The following KSR2 variants were observed in gnomAD, a reference collection of about 807,000 sequenced individuals.
The protein encoded by KSR2 is kinase suppressor of ras 2.
A neutral mutation model predicts 107.8 loss-of-function variants in KSR2; 25 were observed. The observed-to-expected ratio is 0.23, with a 90% CI of 0.17 to 0.32. The LOEUF (loss-of-function observed/expected upper bound fraction) is 0.32. Ranked by LOEUF, KSR2 falls within the 10% of genes least tolerant of loss-of-function variation. The probability of loss-of-function intolerance (pLI) is 1.00; values close to 1 mark genes in which losing one functional copy is unlikely to be tolerated. For missense variants in KSR2, 887 were observed against 1,268.9 expected (o/e 0.70, Z 4.57); for synonymous variants, 480 against 507.0 (o/e 0.95, Z 0.71).
intron 8 of KSR2, among the ~76,000 whole-genome samples, chr12:117,557,848 T>C (rs1000296878): frequency 1.4e-4 from 22 of 152,196 alleles, no homozygotes; most frequent in African/African-American, 5.3e-4. Flanking sequence ...GGGAACTATT[T>C]TGAAAGCTGC....
chr12:117,878,256 T>C (rs1481881847), intron 1 of KSR2, among the ~76,000 whole-genome samples: 2 of 147,978 alleles, frequency 1.4e-5, no homozygotes, highest in African/African-American at 5.2e-5. Flanking sequence ...ACACACGCTT[T>C]CATCCAGGGC....
rs1870453404 is a variant in KSR2 at position 117,453,793 on chromosome 12, A to C, written c.*13406T>G. On this transcript the variant is annotated 3_prime_UTR_variant, in exon 20 of 20. Coordinates refer to ENST00000339824, the MANE Select transcript of KSR2 (RefSeq NM_173598.6). ...GGGATCTTCTCTGCCTGGTCCAGGT[A>C]TGGTCAAGGGCACAGATGTAATGTG... 1 of 152,182 alleles carries C rather than the reference A, an allele frequency of 6.6e-6. No individual in the cohort carries two copies. Among genetic ancestry groups the C allele is most frequent in the Non-Finnish European group, 1.5e-5 (1 of 68,034 alleles). 9.4% of individuals were successfully genotyped at this position (152,182 alleles called of 1,614,324 possible).
In KSR2 at chr12:117,574,973, A is replaced by G. The variant is rs574947881; in HGVS notation, c.1325+4146T>C. On this transcript the variant is annotated intron_variant, in intron 7 of 19. Coordinates refer to ENST00000339824, the MANE Select transcript of KSR2 (RefSeq NM_173598.6). ...CGGGAAGGGCTTTCAGAGGACAGGA[A>G]ATGACCCAGATCACACACTACTACT... Among the ~76,000 whole-genome samples, 4 of 152,132 alleles carry G rather than the reference A, an allele frequency of 2.6e-5. No homozygotes were observed. The East Asian group carries it at 7.7e-4, about 29-fold the overall frequency.
chr12:117,688,126 TCC>T (rs1029062252), intron 4 of KSR2, among the ~76,000 whole-genome samples: 6 of 152,202 alleles, frequency 3.9e-5, no homozygotes, highest in African/African-American at 1.4e-4. Context: ...ACGCCTGTAA[TCC>T]CAGCACTTTG....
intron 4 of KSR2, among the ~76,000 whole-genome samples, chr12:117,673,101 CA>C (rs747984000): frequency 7.2e-5 from 11 of 152,190 alleles, no homozygotes; most frequent in Non-Finnish European, 1.6e-4. Flanking sequence ...TCTGACCCAG[CA>C]CAAGTTTAGC....
chr12:117,790,721 C>A (rs1199558415), intron 3 of KSR2, among the ~76,000 whole-genome samples: 1 of 152,194 alleles, frequency 6.6e-6, no homozygotes, highest in Admixed American at 6.5e-5. Context: ...CTTAGTGCTT[C>A]TGGTAGCCCA....
chr12:117,855,911 C>T (rs1240232207), intron 2 of KSR2, among the ~76,000 whole-genome samples: 2 of 152,120 alleles, frequency 1.3e-5, no homozygotes, highest in Non-Finnish European at 2.9e-5. Context: ...GGCAGGGCCC[C>T]ATTTTTTCAT....
chr12:117,921,952 G>C (rs1001216003), intron 1 of KSR2, among the ~76,000 whole-genome samples: 2 of 152,314 alleles, frequency 1.3e-5, no homozygotes, highest in Non-Finnish European at 1.5e-5. Context: ...TTTAGCAAAT[G>C]TATGTTTGTG....
intron 1 of KSR2, among the ~76,000 whole-genome samples, chr12:117,915,739 C>T (rs1175390163): frequency 2.6e-5 from 4 of 152,090 alleles, no homozygotes; most frequent in Admixed American, 2.6e-4. Flanking sequence ...TCAGATATCA[C>T]CTCCACCTTG....
intron 3 of KSR2, among the ~76,000 whole-genome samples, chr12:117,796,616 G>A (rs114236465): frequency 0.04 from 6,047 of 152,164 alleles, 403 homozygotes; most frequent in African/African-American, 0.14. Flanking sequence ...TACCAGGCAT[G>A]TACCCTTGAT....
chr12:117,702,561 C>A lies in KSR2; in HGVS notation c.987-34903G>T, dbSNP rs571718426. Among the ~76,000 whole-genome samples the A allele has an allele frequency of 3.3e-5, 5 of 152,338 alleles. No individual in the cohort carries two copies. In the South Asian group the frequency reaches 1.0e-3, roughly 32 times the overall value. ...GAATAGGTGGTTTAGCCTGATTCAT[C>A]TTCCCATAAACCATATCAAAGTTTT... On this transcript the variant is annotated intron_variant, in intron 4 of 19. Transcript: ENST00000339824.
intron 5 of KSR2, among the ~76,000 whole-genome samples, chr12:117,585,655 T>C (rs781105568): frequency 1.3e-5 from 2 of 152,170 alleles, no homozygotes; most frequent in African/African-American, 4.8e-5. Context: ...GGAAAAAATA[T>C]ATGAAAATCC....
chr12:117,540,510 A>G (rs925850722), intron 9 of KSR2, among the ~76,000 whole-genome samples: 3 of 152,262 alleles, frequency 2.0e-5, no homozygotes, highest in African/African-American at 7.2e-5. Context: ...CATATTTAAA[A>G]TAAGGGTCTT....
intron 5 of KSR2, among the ~76,000 whole-genome samples, chr12:117,641,539 T>C (rs1883358205): frequency 6.6e-6 from 1 of 152,194 alleles, no homozygotes; most frequent in Admixed American, 6.5e-5. Context: ...CCTGTGCATC[T>C]CTGTGTCTGA....
rs1251233064 is a variant in KSR2 at position 117,838,622 on chromosome 12, T to C, written c.472+16806A>G. ...AGCACTTACTATAGGAAGTTCTTGA[T>C]CAATTACAGCCCCCTATAAATGTTG... On this transcript the variant is annotated intron_variant, in intron 3 of 19. Transcript: ENST00000339824. Among the ~76,000 whole-genome samples, 7 of 152,194 alleles carry C rather than the reference T, an allele frequency of 4.6e-5. No individual in the cohort carries two copies. The East Asian group carries it at 1.3e-3, about 29-fold the overall frequency.
Position 117,674,178 on chromosome 12 carries a change from C to G in KSR2, c.987-6520G>C, listed in dbSNP as rs146200093. On this transcript the variant is annotated intron_variant, in intron 4 of 19. Coordinates refer to ENST00000339824, the MANE Select transcript of KSR2 (RefSeq NM_173598.6). ...CTGATGCCCAATTTACATACAGTAT[C>G]AAAACTAAAAGGATCCCGAGAAATC... is the stretch of plus-strand genomic sequence containing the variant. 17 of 432,448 alleles carry G rather than the reference C, an allele frequency of 3.9e-5. No individual in the cohort carries two copies. In the East Asian group the frequency reaches 1.1e-3, roughly 29 times the overall value. 26.8% of individuals were successfully genotyped at this position (432,448 alleles called of 1,614,324 possible).
chr12:117,625,252 G>A (rs914687211), intron 5 of KSR2, among the ~76,000 whole-genome samples: 4 of 152,184 alleles, frequency 2.6e-5, no homozygotes, highest in African/African-American at 9.7e-5. Flanking sequence ...GAATAGAAGT[G>A]GTGAGAGAGG....
intron 7 of KSR2, among the ~76,000 whole-genome samples, chr12:117,568,801 A>G (rs1681387050): frequency 6.6e-6 from 1 of 152,216 alleles, no homozygotes; most frequent in African/African-American, 2.4e-5. Flanking sequence ...AGATACAACT[A>G]TAATTAGACC....
intron 5 of KSR2, among the ~76,000 whole-genome samples, chr12:117,662,630 C>G (rs1884484603): frequency 6.6e-6 from 1 of 152,182 alleles, no homozygotes; most frequent in Non-Finnish European, 1.5e-5. Context: ...TTCCATAAGA[C>G]CCAGGCCTTG....
Sources: allele counts gnomAD v4.1 joint callset (sites outside exome capture counted in the v4.1 genomes callset), GRCh38; gene constraint gnomAD v4.1.1; transcripts MANE v1.5; gene names NCBI Gene and HGNC (gene_info 2026-07-23, HGNC 2026-07-21).